SYNPO: variants seen among roughly 807,000 people sequenced by gnomAD.
SYNPO encodes synaptopodin.
In SYNPO, 19 loss-of-function variants were observed where a neutral mutation model predicts 49.5. The observed-to-expected ratio is 0.38, with a 90% CI of 0.27 to 0.56. The LOEUF (loss-of-function observed/expected upper bound fraction) is 0.56. Among genes scored for constraint, SYNPO ranks in the 20% least tolerant of loss-of-function variants. The pLI is 0.68. For missense variants in SYNPO, 1,131 were observed against 1,248.3 expected (o/e 0.91, Z 1.42); for synonymous variants, 536 against 548.0 (o/e 0.98, Z 0.31).
chr5:150,646,494 C>G (rs566260752), intron 1 of SYNPO, among the ~76,000 whole-genome samples: 2 of 151,356 alleles, frequency 1.3e-5, no homozygotes, highest in Non-Finnish European at 2.9e-5. Flanking sequence ...CTGAGGTGGG[C>G]GGATCACTTG....
At chr5:150,656,353 T>G in intron 2 of SYNPO, 51 bp from the exon 3 acceptor site, 1 of 1,407,174 alleles carries the variant, frequency 7.1e-7, no homozygotes, top group Non-Finnish European at 9.6e-7. Context: ...AAGCCCGGTG[T>G]GGAAGACCTC....
In SYNPO at chr5:150,631,240, G is replaced by A. The variant is rs114678775; in HGVS notation, c.400+12473G>A. ...CCTGCCCTGCGGGGACAGGCAGACT[G>A]ACGTGAAAACAAATCCTTATGGAAT... On this transcript the variant is annotated intron_variant, in intron 2 of 2. Transcript: ENST00000394243. Among the ~76,000 whole-genome samples, 1,510 of 152,360 alleles carry A rather than the reference G, an allele frequency of 9.9e-3. 23 individuals carry two copies. The highest frequency in any genetic ancestry group is 0.034 in the African/African-American group (1,397 of 41,574).
intron 1 of SYNPO, among the ~76,000 whole-genome samples, chr5:150,612,122 A>G (rs1756864394): frequency 6.6e-6 from 1 of 152,208 alleles, no homozygotes; most frequent in African/African-American, 2.4e-5. Context: ...GTTCGCAAGG[A>G]CAACAAAAGC....
Position 150,648,736 on chromosome 5 carries a change from C to T in SYNPO, c.461C>T (p.Thr154Ile), listed in dbSNP as rs376877631. 6.2e-7 allele frequency: 1 copy of T among 1,614,118 alleles called. No homozygotes were observed. The highest frequency in any genetic ancestry group is 8.5e-7 in the Non-Finnish European group (1 of 1,180,056). The change falls in exon 2 of 3, where the codon ACA becomes ATA. Residue 154 changes from threonine (T) to isoleucine (I), a missense_variant. Around this residue, in one of 4 missense-constraint regions of SYNPO, gnomAD observed 602 missense variants for 720.7 expected, o/e 0.84. Transcript: ENST00000307662. This position sits in a 1 kb window ranked among gnomAD's most constrained non-coding sequence, Gnocchi z 5.0. ...QAPAEEVRCS[T>I]LLIDKVSTPA... ...CCGGCTGAGGAGGTGAGATGCAGCA[C>T]ACTCCTAATTGACAAGGTATCAACT...
chr5:150,603,000 GTGT>G (rs1561629757), intron 1 of SYNPO, among the ~76,000 whole-genome samples: 20 of 122,264 alleles, frequency 1.6e-4, no homozygotes, highest in African/African-American at 6.0e-4. Context: ...ACCTTAGGGT[GTGT>G]GTGTGTGTGT....
chr5:150,595,766 GA>G, the SYNPO span, among the ~76,000 whole-genome samples: 1 of 152,062 alleles, frequency 6.6e-6, no homozygotes, highest in Admixed American at 6.5e-5. Context: ...GAGGCAGGAG[GA>G]AAAAAATTCC....
intron 1 of SYNPO, chr5:150,614,752 A>ATG (rs2151359012): frequency 2.0e-5 from 3 of 152,316 alleles, no homozygotes; most frequent in African/African-American, 7.2e-5. Flanking sequence ...ACTCCCTCCC[A>ATG]TGTCTGTGGA....
rs754461632 is a variant in SYNPO at position 150,650,157 on chromosome 5, G to C, written c.1882G>C (p.Gly628Arg). ...RSSPGLYTSP[G>R]QDSLQPTAVS... The stretch of plus-strand genomic sequence containing the variant: ...CTCACCGGGCCTCTACACCTCCCCC[G>C]GCCAGGACAGCCTGCAGCCCACTGC... The change falls in exon 2 of 3, where the codon GGC (glycine) becomes CGC (arginine). Residue 628 changes from glycine to arginine, a missense_variant. Gly to Arg is a moderately radical substitution (Grantham distance 125, BLOSUM62 -2). Around this residue, in one of 4 missense-constraint regions of SYNPO, gnomAD observed 509 missense variants for 484.5 expected, o/e 1.05. Transcript: ENST00000307662. 13 of 1,613,650 alleles carry C rather than the reference G, an allele frequency of 8.1e-6. No individual in the cohort carries two copies. Among genetic ancestry groups the C allele is most frequent in the African/African-American group, 1.3e-5 (1 of 74,920 alleles).
intron 1 of SYNPO, among the ~76,000 whole-genome samples, chr5:150,643,042 T>C (rs1757964876): frequency 6.6e-6 from 1 of 152,166 alleles, no homozygotes; most frequent in Non-Finnish European, 1.5e-5. Flanking sequence ...TATTCTGACA[T>C]TTGAGGATTT....
chr5:150,629,664 TAG>T (rs1464687692), intron 2 of SYNPO, among the ~76,000 whole-genome samples: 1 of 152,148 alleles, frequency 6.6e-6, no homozygotes, highest in East Asian at 1.9e-4. Flanking sequence ...TAAAATCTCT[TAG>T]AGTCTAAGAG....
intron 2 of SYNPO, among the ~76,000 whole-genome samples, chr5:150,624,019 G>A (rs1015853451): frequency 4.6e-5 from 7 of 152,220 alleles, no homozygotes; most frequent in South Asian, 2.1e-4. Flanking sequence ...AGCATCCCAC[G>A]TGACTCTGAT....
intron 1 of SYNPO, among the ~76,000 whole-genome samples, chr5:150,604,150 G>A (rs1000439796): frequency 6.6e-6 from 1 of 152,238 alleles, no homozygotes; most frequent in Non-Finnish European, 1.5e-5. Context: ...ACCACTAGCA[G>A]CTATACCCAA....
At chr5:150,598,804 G>A (rs1231108591), upstream of SYNPO, among the ~76,000 whole-genome samples, 1 of 152,154 alleles carries the variant, frequency 6.6e-6, no homozygotes, top group Non-Finnish European at 1.5e-5. Flanking sequence ...GGCGGTGGAA[G>A]GCAGGGGCCG....
At chr5:150,593,889 A>G in the SYNPO span, among the ~76,000 whole-genome samples, 1 of 152,186 alleles carries the variant, frequency 6.6e-6, no homozygotes, top group East Asian at 1.9e-4. Context: ...GGTCAGTAGA[A>G]TGGCAGTTTG....
At chr5:150,656,254 C>G in intron 2 of SYNPO, 150 bp from the exon 3 acceptor site, 1 of 610,650 alleles carries the variant, frequency 1.6e-6, no homozygotes, top group South Asian at 2.2e-5. Flanking sequence ...AGAGTTTGGG[C>G]GCCTGCGTTT....
intron 1 of SYNPO, among the ~76,000 whole-genome samples, chr5:150,641,392 G>A (rs1347530867): frequency 6.6e-6 from 1 of 152,216 alleles, no homozygotes; most frequent in African/African-American, 2.4e-5. Flanking sequence ...ACAATGGGCT[G>A]CCTTGAGCCA....
chr5:150,656,497 T>C lies in SYNPO; in HGVS notation c.2122T>C (p.Trp708Arg). Reference sequence around the variant, plus strand: ...AGACGGCTGGGTGAGCCCGGGCCCGTGGGAGCCAGGTCGCGGGAGCAGCAT... The same window carrying C: ...AGACGGCTGGGTGAGCCCGGGCCCGCGGGAGCCAGGTCGCGGGAGCAGCAT... Reference protein sequence around the residue: ...SLDGWVSPGPWEPGRGSSMSS... With the variant: ...SLDGWVSPGPREPGRGSSMSS... Residue 708 changes from tryptophan (W) to arginine (R), a missense_variant, in exon 3 of 3, where the codon TGG becomes CGG. Around this residue, in one of 4 missense-constraint regions of SYNPO, gnomAD observed 509 missense variants for 484.5 expected, o/e 1.05. Coordinates refer to ENST00000307662, the MANE Select transcript of SYNPO (RefSeq NM_007286.6). 6.5e-7 allele frequency: 1 copy of C among 1,532,142 alleles called. No homozygotes were observed. Among genetic ancestry groups the C allele is most frequent in the African/African-American group, 1.4e-5 (1 of 72,594 alleles). The allele number at this position is 1,532,142 out of a possible 1,614,324, so 94.9% of individuals were successfully genotyped here.
rs1757294102 is a variant in SYNPO, at chr5:150,624,745, G to T, written c.400+5978G>T. On this transcript the variant is annotated intron_variant, in intron 2 of 2. Transcript: ENST00000394243. ...GGGGTCCCGGAGCAGCCCGCTAGGC[G>T]GTGGCGGTGGCGGCGGCGAGGAGGG... The T allele has an allele frequency of 5.8e-6, 4 of 691,912 alleles. No homozygotes were observed. The South Asian group carries it at 2.4e-4, about 42-fold the overall frequency. 42.9% of individuals were successfully genotyped at this position (691,912 alleles called of 1,614,324 possible). A position where few individuals can be genotyped will look rare whatever the true frequency, so the allele number is the denominator to read the frequency against.
intron 1 of SYNPO, among the ~76,000 whole-genome samples, chr5:150,604,870 C>T (rs1354490695): frequency 1.3e-5 from 2 of 152,170 alleles, no homozygotes; most frequent in African/African-American, 2.4e-5. Flanking sequence ...AATGCGGAAG[C>T]AAATGATATG....
Sources: allele counts gnomAD v4.1 joint callset (sites outside exome capture counted in the v4.1 genomes callset), GRCh38; gene constraint gnomAD v4.1.1; regional missense constraint gnomAD v4.1.1; non-coding constraint Gnocchi (gnomAD v3.1); transcripts MANE v1.5; gene names NCBI Gene and HGNC (gene_info 2026-07-23, HGNC 2026-07-21).